The following STIMATE variants were observed in gnomAD, a reference collection of about 807,000 sequenced individuals.
STIMATE encodes store-operated calcium entry regulator STIMATE.
In STIMATE, 15 loss-of-function variants were observed where a neutral mutation model predicts 36.7. The observed-to-expected ratio is 0.41, with a 90% CI of 0.27 to 0.63. STIMATE has a LOEUF of 0.63. Among genes scored for constraint, STIMATE ranks in the 20% least tolerant of loss-of-function variants. The pLI is 0.32. For synonymous variants in STIMATE, 163 were observed against 162.3 expected (o/e 1.00, Z -0.03); for missense variants, 305 against 397.3 (o/e 0.77, Z 1.98).
intron 1 of STIMATE, among the ~76,000 whole-genome samples, chr3:52,857,567 T>C (rs1281048315): frequency 6.6e-6 from 1 of 151,946 alleles, no homozygotes; most frequent in African/African-American, 2.4e-5. Context: ...ATCAAATATA[T>C]CTTGAGGGGC....
At chr3:52,849,637 G>T (rs1700964248) in intron 4 of STIMATE, among the ~76,000 whole-genome samples, 155 bp downstream of exon 4, 1 of 27,098 alleles carries the variant, frequency 3.7e-5, no homozygotes, top group Admixed American at 9.0e-4. Flanking sequence ...AGGAGGGTGT[G>T]CTCAAACCCA....
chr3:52,852,462 G>C (rs1181046333), intron 3 of STIMATE, 141 bp downstream of exon 3: 5 of 994,880 alleles, frequency 5.0e-6, no homozygotes, highest in Non-Finnish European at 7.5e-6. Context: ...GTACAGGATG[G>C]TCTCTCAGAG....
intron 1 of STIMATE, among the ~76,000 whole-genome samples, chr3:52,887,337 T>C (rs1026538851): frequency 8.5e-5 from 13 of 152,200 alleles, no homozygotes; most frequent in East Asian, 3.9e-4. Flanking sequence ...CGCCATAGCA[T>C]CTTCAGGTGG....
rs1276988897 is a variant in STIMATE at position 52,855,423 on chromosome 3, T to G, written c.182A>C (p.Lys61Thr). The G allele has an allele frequency of 6.2e-7, 1 of 1,613,516 alleles. No individual in the cohort carries two copies. Among genetic ancestry groups the G allele is most frequent in the South Asian group, 1.1e-5 (1 of 91,066 alleles). ...TATCCTCCACGGACGTCTTTCATGC[T>G]TTGGTTCTCTGAAGCGTTTGACTGA... is the stretch of plus-strand genomic sequence containing the variant. ...TLMLKRFREP[K>T]HERRPWRIWF... Residue 61 changes from lysine to threonine, a missense_variant, in exon 2 of 8, where the codon AAG becomes ACG. Lys to Thr is a moderately conservative substitution (Grantham distance 78). This residue lies in a region of STIMATE where 164 missense variants were observed against 257.9 expected (regional missense o/e 0.64). Coordinates refer to ENST00000355083, the MANE Select transcript of STIMATE (RefSeq NM_198563.5).
rs1430631991 is a variant in STIMATE at position 52,836,831 on chromosome 3, T to C, written c.*3663A>G. 1 of 281,866 alleles carries C rather than the reference T, an allele frequency of 3.5e-6. No individual in the cohort carries two copies. Among genetic ancestry groups the C allele is most frequent in the African/African-American group, 2.2e-5 (1 of 45,748 alleles). The allele number at this position is 281,866 out of a possible 1,614,324, so 17.5% of individuals were successfully genotyped here. ...TTCTCTTTCATTTCAAAAAAACGTTTCCATGAATCCTACCACCACCGATTA... is the reference window on the plus strand; with the variant it reads ...TTCTCTTTCATTTCAAAAAAACGTTCCCATGAATCCTACCACCACCGATTA... On this transcript the variant is annotated 3_prime_UTR_variant, in exon 8 of 8. Coordinates refer to ENST00000355083, the MANE Select transcript of STIMATE (RefSeq NM_198563.5).
intron 1 of STIMATE, among the ~76,000 whole-genome samples, chr3:52,879,641 C>T (rs1362266818): frequency 6.6e-6 from 1 of 152,208 alleles, no homozygotes; most frequent in Non-Finnish European, 1.5e-5. Flanking sequence ...CCTCAACTCC[C>T]AATGCTCACT....
intron 1 of STIMATE, among the ~76,000 whole-genome samples, chr3:52,896,593 C>A (rs1248493006): frequency 6.6e-6 from 1 of 152,076 alleles, no homozygotes; most frequent in African/African-American, 2.4e-5. Context: ...AAGGGAACAG[C>A]CAGGGGAAGC....
intron 4 of STIMATE, chr3:52,847,659 G>T: frequency 1.1e-6 from 1 of 877,234 alleles, no homozygotes; most frequent in South Asian, 1.4e-5. Context: ...TAACAGGTGT[G>T]GGAGGTGGAA....
chr3:52,895,783 G>A, intron 1 of STIMATE: 2 of 874,190 alleles, frequency 2.3e-6, no homozygotes, highest in Non-Finnish European at 3.2e-6. Context: ...CTCAGGTTAG[G>A]GAGCAAAAGA....
chr3:52,863,777 G>T (rs1701256828), intron 1 of STIMATE, among the ~76,000 whole-genome samples: 1 of 152,216 alleles, frequency 6.6e-6, no homozygotes, highest in South Asian at 2.1e-4. Flanking sequence ...CCAAATGGGA[G>T]AAATTGGCCA....
chr3:52,845,491 G>A (rs183326095), intron 4 of STIMATE, among the ~76,000 whole-genome samples: 1 of 152,314 alleles, frequency 6.6e-6, no homozygotes, highest in Non-Finnish European at 1.5e-5. Context: ...CGTGACTCTG[G>A]AGGAATTTGG....
chr3:52,858,032 C>T (rs1181056797), intron 1 of STIMATE, among the ~76,000 whole-genome samples: 4 of 152,088 alleles, frequency 2.6e-5, no homozygotes, highest in Admixed American at 6.5e-5. Context: ...CTGAGAAGAG[C>T]GTCATCTGCA....
chr3:52,855,153 G>A (rs1463252410), intron 2 of STIMATE, among the ~76,000 whole-genome samples: 1 of 152,182 alleles, frequency 6.6e-6, no homozygotes, highest in Non-Finnish European at 1.5e-5. Context: ...CCATCTTCTA[G>A]AAGTGGAAGC....
At chr3:52,882,025 G>C (rs1701613893) in intron 1 of STIMATE, among the ~76,000 whole-genome samples, 1 of 152,238 alleles carries the variant, frequency 6.6e-6, no homozygotes, top group Non-Finnish European at 1.5e-5. Flanking sequence ...TTTACTATTG[G>C]CTGCGTAGTT....
chr3:52,888,257 C>A (rs1701726250), intron 1 of STIMATE, among the ~76,000 whole-genome samples: 1 of 152,098 alleles, frequency 6.6e-6, no homozygotes. Flanking sequence ...CCTCAGACAC[C>A]CCCAAGGCAA....
chr3:52,866,490 G>A lies in STIMATE; in HGVS notation c.161-11046C>T, dbSNP rs552545423. On this transcript the variant is annotated intron_variant, in intron 1 of 7. Coordinates refer to ENST00000355083, the MANE Select transcript of STIMATE (RefSeq NM_198563.5). The stretch of plus-strand genomic sequence containing the variant: ...CTCACGCCCTCCCCTGAGGATACCA[G>A]GGTGTGGTGGTGCTCACTCTCCCAG... Among the ~76,000 whole-genome samples the A allele has an allele frequency of 3.3e-5, 5 of 152,350 alleles. No homozygotes were observed. In the East Asian group the frequency reaches 9.6e-4, roughly 29 times the overall value.
chr3:52,859,172 A>AT (rs1220683501), intron 1 of STIMATE, among the ~76,000 whole-genome samples: 14 of 146,022 alleles, frequency 9.6e-5, no homozygotes, highest in South Asian at 6.4e-4. Flanking sequence ...CAAAAAAAAT[A>AT]AAATAAATAA....
At chr3:52,873,125 AC>A (rs1456987280) in intron 1 of STIMATE, among the ~76,000 whole-genome samples, 1 of 152,020 alleles carries the variant, frequency 6.6e-6, no homozygotes, top group Non-Finnish European at 1.5e-5. Context: ...TCCCCCCACC[AC>A]CCTAAATTGT....
chr3:52,840,719 G>A, intron 7 of STIMATE, 109 bp from the exon 8 acceptor site: 2 of 922,966 alleles, frequency 2.2e-6, no homozygotes, highest in Non-Finnish European at 3.0e-6. Flanking sequence ...TTTTTTTTTT[G>A]GACAGAGTCT....
Sources: gnomAD v4.1 joint callset for allele counts (sites outside exome capture counted in the v4.1 genomes callset) on GRCh38, gnomAD v4.1.1 for gene constraint, gnomAD v4.1.1 regional missense constraint, MANE v1.5 for transcripts, NCBI Gene and HGNC (gene_info 2026-07-23, HGNC 2026-07-21) for gene names.